The following KIAA0586 variants were observed in gnomAD, a reference collection of about 807,000 sequenced individuals.
KIAA0586 encodes the protein KIAA0586.
KIAA0586 carries 144 observed loss-of-function variants against 169.8 expected under a neutral mutation model. That is an observed-to-expected ratio of 0.85 (90% CI 0.74 to 0.97). The LOEUF (loss-of-function observed/expected upper bound fraction) is 0.97, where lower values mean the gene tolerates loss of function less well. KIAA0586 is among the 50% of genes least tolerant of loss of function. The pLI, the probability that KIAA0586 is intolerant of heterozygous loss-of-function variation, is 0.00. For missense variants in KIAA0586, 1,854 were observed against 1,823.0 expected, an observed-to-expected ratio of 1.02 and a Z score of -0.31; for synonymous variants, 625 against 612.4, an observed-to-expected ratio of 1.02 and a Z score of -0.30.
chr14:58,482,492 A>AC, intron 20 of KIAA0586, 21 bp from the exon 21 acceptor site: 8 of 1,134,450 alleles, frequency 7.1e-6, no homozygotes, highest in Non-Finnish European at 9.5e-6. Context: ...ACTTATTCTG[A>AC]TTTTTTTTTT....
chr14:58,498,276 A>G (rs191290719), intron 26 of KIAA0586, among the ~76,000 whole-genome samples: 226 of 151,762 alleles, frequency 1.5e-3, no homozygotes, highest in African/African-American at 5.1e-3. Context: ...CCTGGGTTCA[A>G]GCTAGCCTCC....
At chr14:58,489,837 A>G (rs1398152235) in intron 24 of KIAA0586, among the ~76,000 whole-genome samples, 1 of 152,046 alleles carries the variant, frequency 6.6e-6, no homozygotes, top group Non-Finnish European at 1.5e-5. Context: ...TCTAAGTTCT[A>G]GAAAGGATTT....
In KIAA0586 at chr14:58,498,793, A is replaced by G. The variant is rs753174842; in HGVS notation, c.4001A>G (p.Asn1334Ser). 4.4e-6 allele frequency: 7 copies of G among 1,591,604 alleles called. No homozygotes were observed. In the African/African-American group the frequency reaches 8.1e-5, roughly 18 times the overall value. ...QAVYHSEDLE[N>S]SVGELSEGQR... ...TTCTGCTTTTTAAAGGACTTGGAAA[A>G]CAGTGTGGGTGAACTTAGTGAAGGA... The change falls in exon 27 of 31, where the codon AAC becomes AGC. Residue 1334 changes from asparagine (N) to serine (S), a missense_variant. Asn to Ser is a conservative substitution (Grantham distance 46, BLOSUM62 1). Transcript: ENST00000652326.
intron 15 of KIAA0586, 45 bp downstream of exon 15, chr14:58,466,074 T>A: frequency 7.2e-7 from 1 of 1,381,354 alleles, no homozygotes; most frequent in Non-Finnish European, 1.0e-6. Flanking sequence ...TTTTATTTAT[T>A]TATTTGTTTG....
chr14:58,497,363 CT>C lies in KIAA0586; in HGVS notation c.3991-1406del, dbSNP rs768776477. On this transcript the variant is annotated intron_variant, in intron 26 of 30. Transcript: ENST00000652326. ...AAAGTATTCTTCTATAATCTGTATA[CT>C]TTTTTTTTTTTTTGAGACAGAGTAT... Among the ~76,000 whole-genome samples the C allele has an allele frequency of 5.7e-3, 801 of 141,626 alleles. 2 individuals carry two copies. The highest frequency in any genetic ancestry group is 7.8e-3 in the African/African-American group (302 of 38,896). 92.9% of individuals were successfully genotyped at this position (141,626 alleles called of 152,430 possible).
At chr14:58,466,833 T>C (rs1262203453) in intron 15 of KIAA0586, among the ~76,000 whole-genome samples, 1 of 152,222 alleles carries the variant, frequency 6.6e-6, no homozygotes, top group Non-Finnish European at 1.5e-5. Context: ...TAAGGTACTT[T>C]TTTTTGTACT....
At chr14:58,534,562 C>T (rs898916162) in intron 29 of KIAA0586, among the ~76,000 whole-genome samples, 1 of 152,042 alleles carries the variant, frequency 6.6e-6, no homozygotes, top group Non-Finnish European at 1.5e-5. Flanking sequence ...CACGAAGTAT[C>T]CTAGATAGTA....
rs187055834 is a variant in KIAA0586, at chr14:58,460,128, T to G, written c.1884+58T>G. On this transcript the variant is annotated intron_variant, in intron 13 of 30. Coordinates refer to ENST00000652326, the MANE Select transcript of KIAA0586 (RefSeq NM_001329943.3). ...GTTGTGTTATAATTGATCATTTCCT[T>G]TAAGAGATAAATAATGAAGCGAATG... The G allele has an allele frequency of 2.9e-4, 288 of 1,009,714 alleles. No individual in the cohort carries two copies. The African/African-American group carries it at 2.9e-3, about 10-fold the overall frequency. 62.5% of individuals were successfully genotyped at this position (1,009,714 alleles called of 1,614,324 possible). A position where few individuals can be genotyped will look rare whatever the true frequency, so the allele number is the denominator to read the frequency against.
At chr14:58,555,612 G>A (rs1356024086), downstream of KIAA0586, among the ~76,000 whole-genome samples, 1 of 152,036 alleles carries the variant, frequency 6.6e-6, no homozygotes, top group African/African-American at 2.4e-5. Flanking sequence ...CTTCCTGATC[G>A]AATTTTGATT....
At chr14:58,482,794 T>A (rs917630585) in intron 21 of KIAA0586, 82 bp downstream of exon 21, 5 of 962,738 alleles carry the variant, frequency 5.2e-6, no homozygotes, top group Middle Eastern at 4.6e-4. Context: ...TCATTGTTTG[T>A]GGTAGAAGTA....
At chr14:58,484,951 T>TTTTTTTGGATTG (rs2042339311) in intron 21 of KIAA0586, among the ~76,000 whole-genome samples, 1 of 101,448 alleles carries the variant, frequency 9.9e-6, no homozygotes, top group Non-Finnish European at 1.9e-5. Context: ...TTTTTTTTTT[T>TTTTTTTGGATTG]GAGATGGAGT....
intron 29 of KIAA0586, among the ~76,000 whole-genome samples, chr14:58,524,431 T>C (rs1347627211): frequency 1.3e-5 from 2 of 152,176 alleles, no homozygotes; most frequent in African/African-American, 4.8e-5. Context: ...AAAATGTAGA[T>C]CCTAAAGTGA....
intron 5 of KIAA0586, among the ~76,000 whole-genome samples, chr14:58,443,548 G>A (rs190071154): frequency 3.9e-4 from 59 of 152,052 alleles, no homozygotes; most frequent in African/African-American, 1.2e-3. Flanking sequence ...TCAGCCTCCC[G>A]AGTAGCTGGG....
At chr14:58,506,968 G>A (rs1373104295) in intron 27 of KIAA0586, among the ~76,000 whole-genome samples, 3 of 151,732 alleles carry the variant, frequency 2.0e-5, no homozygotes, top group Admixed American at 6.6e-5. Context: ...GCAACATGGC[G>A]AAACCCTGTC....
chr14:58,454,968 T>C (rs1311110776), intron 9 of KIAA0586, among the ~76,000 whole-genome samples: 6 of 152,236 alleles, frequency 3.9e-5, no homozygotes, highest in Non-Finnish European at 7.3e-5. Context: ...TATGTTGGTG[T>C]GCTTGATGGT....
At chr14:58,476,803 G>A (rs1209410270) in intron 19 of KIAA0586, among the ~76,000 whole-genome samples, 1 of 151,760 alleles carries the variant, frequency 6.6e-6, no homozygotes, top group Non-Finnish European at 1.5e-5. Flanking sequence ...GAGTAGCTGG[G>A]ACTACAGGCA....
chr14:58,520,348 A>G (rs75597349), intron 29 of KIAA0586, among the ~76,000 whole-genome samples: 5,846 of 152,182 alleles, frequency 0.038, 155 homozygotes, highest in Non-Finnish European at 0.057. Flanking sequence ...ATTGTTTTCC[A>G]TTCTACCCTC....
chr14:58,557,112 C>G, the KIAA0586 span, among the ~76,000 whole-genome samples: 1 of 152,186 alleles, frequency 6.6e-6, no homozygotes, highest in African/African-American at 2.4e-5. Context: ...TTAATTAATT[C>G]TACTGTTGAT....
At position 58,428,260 on chromosome 14, in the gene KIAA0586, A is replaced by G. The variant is rs372615752; in HGVS notation, c.-5A>G. ...AAGTGTGGGACTTGTTTTGTGACCAACAATATGAAAGGCTCTGAGGTCAGC... is the reference window on the plus strand; with the variant it reads ...AAGTGTGGGACTTGTTTTGTGACCAGCAATATGAAAGGCTCTGAGGTCAGC... On this transcript the variant is annotated 5_prime_UTR_variant, in exon 1 of 31. Coordinates refer to ENST00000652326, the MANE Select transcript of KIAA0586 (RefSeq NM_001329943.3). 6.2e-6 allele frequency: 10 copies of G among 1,612,568 alleles called. No individual in the cohort carries two copies. The highest frequency in any genetic ancestry group is 2.7e-5 in the African/African-American group (2 of 74,862).
Sources: gnomAD v4.1 joint callset for allele counts (sites outside exome capture counted in the v4.1 genomes callset) on GRCh38, gnomAD v4.1.1 for gene constraint, MANE v1.5 for transcripts, NCBI Gene and HGNC (gene_info 2026-07-23, HGNC 2026-07-21) for gene names.